SEMA6D: variants seen among roughly 807,000 people sequenced by gnomAD.
SEMA6D encodes the protein semaphorin-6D.
SEMA6D carries 35 observed loss-of-function variants against 106.6 expected under a neutral mutation model. That is an observed-to-expected ratio of 0.33 (90% CI 0.25 to 0.44). SEMA6D has a LOEUF of 0.44. SEMA6D is among the 20% of genes least tolerant of loss of function. The probability of loss-of-function intolerance (pLI) is 1.00; values close to 1 mark genes in which losing one functional copy is unlikely to be tolerated. For synonymous variants in SEMA6D, 499 were observed against 487.7 expected (o/e 1.02, Z -0.31); for missense variants, 1,185 against 1,345.9 (o/e 0.88, Z 1.87).
chr15:47,742,834 C>A (rs1244337164), intron 1 of SEMA6D, among the ~76,000 whole-genome samples: 1 of 152,170 alleles, frequency 6.6e-6, no homozygotes, highest in East Asian at 1.9e-4. Flanking sequence ...ACCCCACACC[C>A]TCTGTGTTTC....
chr15:47,306,491 G>C (rs1044489372), intron 1 of SEMA6D, among the ~76,000 whole-genome samples: 1 of 152,196 alleles, frequency 6.6e-6, no homozygotes, highest in African/African-American at 2.4e-5. Context: ...AGAGGCTGAG[G>C]CGGGCAGATC....
intron 1 of SEMA6D, among the ~76,000 whole-genome samples, chr15:47,402,129 A>G (rs1200271420): frequency 2.0e-5 from 3 of 152,194 alleles, no homozygotes; most frequent in African/African-American, 7.2e-5. Flanking sequence ...CATGTGTGTT[A>G]ATGAGCTCTT....
intron 4 of SEMA6D, among the ~76,000 whole-genome samples, chr15:47,651,404 C>T (rs1035586018): frequency 6.6e-6 from 1 of 151,458 alleles, no homozygotes; most frequent in Non-Finnish European, 1.5e-5. Flanking sequence ...CACCCTGCCT[C>T]TAAAAAAAAA....
At chr15:47,738,328 T>C (rs2080579172) in intron 1 of SEMA6D, among the ~76,000 whole-genome samples, 1 of 152,178 alleles carries the variant, frequency 6.6e-6, no homozygotes, top group African/African-American at 2.4e-5. Flanking sequence ...AAGGACATGA[T>C]CTCATTCCTT....
rs191740947 is a variant in SEMA6D at position 47,769,730 on chromosome 15, C to A, written c.1934-767C>A. 7.2e-5 allele frequency among the ~76,000 whole-genome samples: 11 copies of A among 152,106 alleles called. No homozygotes were observed. The East Asian group carries it at 2.1e-3, about 29-fold the overall frequency. On this transcript the variant is annotated intron_variant, in intron 18 of 18. Coordinates refer to ENST00000536845, the MANE Select transcript of SEMA6D (RefSeq NM_001358351.3). ...ATTAATTGTTAGATGTCTGTGGTTG[C>A]ATTAAAAGGTTAAGTTTAATTTCAG...
At chr15:47,281,420 G>T (rs1206963987) in intron 1 of SEMA6D, among the ~76,000 whole-genome samples, 11 of 148,064 alleles carry the variant, frequency 7.4e-5, no homozygotes, top group Non-Finnish European at 1.5e-4. Context: ...GCCTATGTGT[G>T]TCTCTGTACG....
intron 2 of SEMA6D, among the ~76,000 whole-genome samples, chr15:47,466,884 G>T (rs894938350): frequency 6.7e-6 from 1 of 148,728 alleles, no homozygotes; most frequent in Non-Finnish European, 1.5e-5. Flanking sequence ...GTAGCACCAC[G>T]CCTGGCTTTT....
intron 4 of SEMA6D, among the ~76,000 whole-genome samples, chr15:47,619,924 A>G (rs1452914353): frequency 6.6e-6 from 1 of 151,816 alleles, no homozygotes; most frequent in African/African-American, 2.4e-5. Context: ...GACCTTCCAA[A>G]GCTTAGATTT....
chr15:47,206,160 A>G (rs1203869619), intron 1 of SEMA6D, among the ~76,000 whole-genome samples: 1 of 152,228 alleles, frequency 6.6e-6, no homozygotes, highest in Non-Finnish European at 1.5e-5. Flanking sequence ...AGGTTGTTTT[A>G]ACAAATAAAT....
intron 1 of SEMA6D, among the ~76,000 whole-genome samples, chr15:47,382,990 C>A (rs1437563762): frequency 6.6e-6 from 1 of 152,104 alleles, no homozygotes; most frequent in African/African-American, 2.4e-5. Flanking sequence ...GGTCTCAAAC[C>A]CCTAATCTCA....
At chr15:47,666,697 G>A (rs923188635) in intron 4 of SEMA6D, among the ~76,000 whole-genome samples, 2 of 152,136 alleles carry the variant, frequency 1.3e-5, no homozygotes, top group African/African-American at 2.4e-5. Context: ...TGTGATCCAC[G>A]CCTGAGAATT....
chr15:47,392,510 G>A lies in SEMA6D; in HGVS notation c.-238-19883G>A, dbSNP rs281295. ...ATGCTATGCTGCTGGCTTTGAAGAC[G>A]GAGGAAGGTGAAAGATTGCCAGAAG... is the stretch of plus-strand genomic sequence containing the variant. On this transcript the variant is annotated intron_variant, in intron 1 of 19. Transcript: ENST00000558014. 5.1e-3 allele frequency among the ~76,000 whole-genome samples: 550 copies of A among 107,662 alleles called. 8 individuals are homozygous for A. The highest frequency in any genetic ancestry group is 0.036 in the African/African-American group (521 of 14,496). The allele number at this position is 107,662 out of a possible 152,430, so 70.6% of individuals were successfully genotyped here.
intron 2 of SEMA6D, among the ~76,000 whole-genome samples, chr15:47,441,058 A>G (rs1024887952): frequency 3.9e-5 from 6 of 152,128 alleles, no homozygotes; most frequent in African/African-American, 1.2e-4. Context: ...TAACCTTACC[A>G]TGGCAGCATT....
chr15:47,590,675 C>T (rs1017662634), intron 3 of SEMA6D, among the ~76,000 whole-genome samples: 1 of 151,862 alleles, frequency 6.6e-6, no homozygotes, highest in Non-Finnish European at 1.5e-5. Context: ...GAAGGAGACA[C>T]ACAGAGAGAA....
At chr15:47,265,176 T>A (rs189521088) in intron 1 of SEMA6D, among the ~76,000 whole-genome samples, 8 of 152,148 alleles carry the variant, frequency 5.3e-5, no homozygotes, top group Non-Finnish European at 1.0e-4. Context: ...GAAGATTTTG[T>A]AAATAACTGG....
At chr15:47,316,294 G>A (rs2036675443) in intron 1 of SEMA6D, among the ~76,000 whole-genome samples, 1 of 151,676 alleles carries the variant, frequency 6.6e-6, no homozygotes, top group South Asian at 2.1e-4. Flanking sequence ...GTTTCACCAT[G>A]TTGGCCAGGC....
At chr15:47,654,418 A>C (rs1286417903) in intron 4 of SEMA6D, among the ~76,000 whole-genome samples, 1 of 152,236 alleles carries the variant, frequency 6.6e-6, no homozygotes, top group Non-Finnish European at 1.5e-5. Context: ...GTATTCTTAT[A>C]ATAAAGGAAG....
chr15:47,640,641 T>C (rs988312432), intron 4 of SEMA6D, among the ~76,000 whole-genome samples: 3 of 152,170 alleles, frequency 2.0e-5, no homozygotes, highest in Non-Finnish European at 4.4e-5. Flanking sequence ...CCTTAGGTGA[T>C]GTATTGGAGG....
At chr15:47,548,199 TAAG>T (rs1233984684) in intron 3 of SEMA6D, among the ~76,000 whole-genome samples, 3 of 152,130 alleles carry the variant, frequency 2.0e-5, no homozygotes, top group Non-Finnish European at 1.5e-5. Flanking sequence ...GGCTAAGTGG[TAAG>T]AAGATCAAAT....
Sources: gnomAD v4.1 joint callset for allele counts (sites outside exome capture counted in the v4.1 genomes callset) on GRCh38, gnomAD v4.1.1 for gene constraint, MANE v1.5 for transcripts, NCBI Gene and HGNC (gene_info 2026-07-23, HGNC 2026-07-21) for gene names.